The following KCP variants were observed in gnomAD, a reference collection of about 807,000 sequenced individuals.
The protein encoded by KCP is kielin cysteine rich BMP regulator.
KCP carries 194 observed loss-of-function variants against 212.7 expected under a neutral mutation model. The observed-to-expected ratio is 0.91, with a 90% confidence interval of 0.81 to 1.03. The LOEUF (loss-of-function observed/expected upper bound fraction) is 1.03. KCP is among the 50% of genes least tolerant of loss of function. KCP has a pLI of 0.00. For synonymous variants in KCP, 833 were observed against 865.3 expected, an observed-to-expected ratio of 0.96 and a Z score of 0.65; for missense variants, 2,080 against 2,162.5, an observed-to-expected ratio of 0.96 and a Z score of 0.76.
chr7:128,902,341 C>A (rs1022132163), intron 8 of KCP, among the ~76,000 whole-genome samples: 1 of 152,240 alleles, frequency 6.6e-6, no homozygotes, highest in African/African-American at 2.4e-5. Context: ...CATAGGAAGT[C>A]TTTGAAATCT....
intron 4 of KCP, among the ~76,000 whole-genome samples, chr7:128,906,890 C>T (rs967931894): frequency 1.3e-5 from 2 of 152,108 alleles, no homozygotes; most frequent in Non-Finnish European, 2.9e-5. Context: ...CACTGTTGGC[C>T]AGGTCTGAAT....
chr7:128,886,771 G>A, intron 24 of KCP, 34 bp from the exon 25 acceptor site: 1 of 1,536,730 alleles, frequency 6.5e-7, no homozygotes, highest in Non-Finnish European at 8.8e-7. Flanking sequence ...TGGGGGGCCT[G>A]TGCCACCCTG....
In KCP at chr7:128,891,838, G is replaced by T; in HGVS notation, c.1622-19C>A. 7.0e-7 allele frequency: 1 copy of T among 1,434,534 alleles called. No individual in the cohort carries two copies. 88.9% of individuals were successfully genotyped at this position (1,434,534 alleles called of 1,614,324 possible). A position where few individuals can be genotyped will look rare whatever the true frequency, so the allele number is the denominator to read the frequency against. On this transcript the variant is annotated intron_variant, in intron 16 of 39. Coordinates refer to ENST00000610776, the MANE Select transcript of KCP (RefSeq NM_001366122.1). ...ATGCAGTCTGGGCAGTGGATGGTGG[G>T]GGCAGGTATGAGGGCAAAGCCTGAC...
chr7:128,898,172 C>T (rs1794639824), intron 8 of KCP, among the ~76,000 whole-genome samples: 1 of 152,126 alleles, frequency 6.6e-6, no homozygotes, highest in African/African-American at 2.4e-5. Context: ...TCTCCTGCCT[C>T]AGCTTCCTGA....
chr7:128,886,810 AGGAAGGGAAGG>A (rs1329230772), intron 24 of KCP, 55 bp downstream of exon 24: 1 of 1,366,852 alleles, frequency 7.3e-7, no homozygotes, highest in Non-Finnish European at 1.0e-6. Flanking sequence ...TAGGCCTGGC[AGGAAGGGAAGG>A]GGGAGGGAGA....
chr7:128,894,239 C>T lies in KCP; in HGVS notation c.886G>A (p.Ala296Thr). ...CAGCAGGTGCCTGGGAGGGGCCGGG[C>T]TGGGTATGGACACAGGCTGGCACAT... Reference protein sequence around the residue: ...RECASLCPYPARPLPGTCCPV... With the variant: ...RECASLCPYPTRPLPGTCCPV... The change falls in exon 9 of 40, where the codon GCC becomes ACC. Residue 296 changes from alanine to threonine, a missense_variant. Coordinates refer to ENST00000610776, the MANE Select transcript of KCP (RefSeq NM_001366122.1). 1 of 1,541,888 alleles carries T rather than the reference C, an allele frequency of 6.5e-7. No individual in the cohort carries two copies. Among genetic ancestry groups the T allele is most frequent in the Admixed American group, 2.0e-5 (1 of 50,576 alleles).
rs956530996 is a variant in KCP at position 128,891,708 on chromosome 7, G to A, written c.1733C>T (p.Pro578Leu). Residue 578 changes from proline to leucine, a missense_variant, in exon 17 of 40, where the codon CCC (proline) becomes CTC (leucine). Pro to Leu is a moderately conservative substitution (Grantham distance 98). Transcript: ENST00000610776. ...QEGHAHCQPR[P>L]CPRAPCAHPL... ...GTGGGCACAGGGGGCCCTGGGGCAG[G>A]GGCGAGGCTGGCAGTGGGCATGGCC... The A allele has an allele frequency of 1.4e-6, 2 of 1,449,868 alleles. No homozygotes were observed. Among genetic ancestry groups the A allele is most frequent in the African/African-American group, 1.4e-5 (1 of 69,660 alleles). 89.8% of individuals were successfully genotyped at this position (1,449,868 alleles called of 1,614,324 possible).
At chr7:128,887,406 GAC>G (rs1563028684) in intron 22 of KCP, 106 bp from the exon 23 acceptor site, 1 of 817,964 alleles carries the variant, frequency 1.2e-6, no homozygotes, top group Admixed American at 2.1e-5. Context: ...CACAGCCACA[GAC>G]ACACACATAG....
chr7:128,907,244 G>A lies in KCP; in HGVS notation c.409+20C>T. ...GCAGGTCTTTAGGTGGCCCCAGTGG[G>A]CGGATAGGGTGGCACTTACCCCTGC... is the stretch of plus-strand genomic sequence containing the variant. On this transcript the variant is annotated intron_variant, in intron 3 of 39. Transcript: ENST00000610776. 1 of 1,536,578 alleles carries A rather than the reference G, an allele frequency of 6.5e-7. No individual in the cohort carries two copies. The highest frequency in any genetic ancestry group is 8.8e-7 in the Non-Finnish European group (1 of 1,135,214).
At chr7:128,900,214 G>A (rs1023283224) in intron 8 of KCP, among the ~76,000 whole-genome samples, 1 of 152,090 alleles carries the variant, frequency 6.6e-6, no homozygotes, top group Non-Finnish European at 1.5e-5. Flanking sequence ...ATATAATAAA[G>A]CAAGTCAGTG....
chr7:128,880,231 C>T (rs933417487), intron 34 of KCP, 146 bp from the exon 35 acceptor site: 1 of 1,280,054 alleles, frequency 7.8e-7, no homozygotes, highest in Non-Finnish European at 1.1e-6. Context: ...GAGGTCAGGG[C>T]ACCACATCGT....
At chr7:128,902,975 A>AAGGTGGGCAGG in intron 7 of KCP, 116 bp from the exon 8 acceptor site, 1 of 763,618 alleles carries the variant, frequency 1.3e-6, no homozygotes. Flanking sequence ...CCGAGCCAAG[A>AAGGTGGGCAGG]CTAGATGGGG....
Position 128,889,055 on chromosome 7 carries a change from CAGAG to C in KCP, c.2336-20_2336-17del, listed in dbSNP as rs771858410. 68 of 1,478,576 alleles carry C rather than the reference CAGAG, an allele frequency of 4.6e-5. No homozygotes were observed. Among genetic ancestry groups the C allele is most frequent in the East Asian group, 1.5e-4 (6 of 39,806 alleles). 91.6% of individuals were successfully genotyped at this position (1,478,576 alleles called of 1,614,324 possible). On this transcript the variant is annotated splice_polypyrimidine_tract_variant and intron_variant, in intron 21 of 39. Transcript: ENST00000610776. ...TACTCACAGCCTTTCAGAGAAGAGA[CAGAG>C]AGGCCGAGGGGAGGGACAGAAAGGG...
Position 128,892,881 on chromosome 7 carries a change from T to A in KCP, c.1408A>T (p.Thr470Ser), listed in dbSNP as rs777177189. Residue 470 changes from threonine (T) to serine (S), a missense_variant, in exon 14 of 40, where the codon ACC becomes TCC. Coordinates refer to ENST00000610776, the MANE Select transcript of KCP (RefSeq NM_001366122.1). The part of the protein sequence containing the change: ...LCPPAPCQHP[T>S]QPPGACCPSC... ...CCCAGGCACTCACCAGGGGGCTGGG[T>A]GGGGTGCTGGCAGGGGGCTGGGGGG... is the stretch of plus-strand genomic sequence containing the variant. The A allele has an allele frequency of 3.2e-6, 5 of 1,549,680 alleles. No homozygotes were observed. Among genetic ancestry groups the A allele is most frequent in the Non-Finnish European group, 4.4e-6 (5 of 1,146,124 alleles).
At position 128,894,010 on chromosome 7, in the gene KCP, C is replaced by T; in HGVS notation, c.971G>A (p.Gly324Asp). Residue 324 changes from glycine to aspartate, a missense_variant, in exon 10 of 40, where the codon GGC becomes GAC. Coordinates refer to ENST00000610776, the MANE Select transcript of KCP (RefSeq NM_001366122.1). ...GREHRSGEPV[G>D]SGDPCSHCRC... Reference sequence around the variant, plus strand: ...GCAGTGCGAGCAGGGGTCCCCTGAGCCCACAGGCTCCCCGCTGCGGTGCTC... The same window carrying T: ...GCAGTGCGAGCAGGGGTCCCCTGAGTCCACAGGCTCCCCGCTGCGGTGCTC... 6.5e-7 allele frequency: 1 copy of T among 1,549,920 alleles called. No homozygotes were observed. Among genetic ancestry groups the T allele is most frequent in the East Asian group, 2.5e-5 (1 of 40,656 alleles).
intron 5 of KCP, chr7:128,904,376 C>A (rs1268572731): frequency 6.4e-7 from 1 of 1,550,936 alleles, no homozygotes; most frequent in Non-Finnish European, 8.7e-7. Flanking sequence ...CTGCACGGCT[C>A]CTGTCTGCAG....
At chr7:128,883,870 C>T (rs1319539396) in intron 29 of KCP, 132 bp downstream of exon 29, 3 of 1,168,626 alleles carry the variant, frequency 2.6e-6, no homozygotes, top group South Asian at 1.8e-5. Context: ...CAGCCCTCGC[C>T]GGCCAGGCAT....
In KCP at chr7:128,882,013, G is replaced by C. The variant is rs1429683582; in HGVS notation, c.3248C>G (p.Ala1083Gly). ...CAGGCCCTCTGAACAGTTACTCAAGGCCTCTGTGAAGACAAGAATCCAGAG... is the reference window on the plus strand; with the variant it reads ...CAGGCCCTCTGAACAGTTACTCAAGCCCTCTGTGAAGACAAGAATCCAGAG... ...PQHCCPTCAE[A>G]LSNCSEGLLG... is the part of the protein sequence containing the mutation. The change falls in exon 30 of 40, where the codon GCC becomes GGC. Residue 1083 changes from alanine (A) to glycine (G), a missense_variant. Ala to Gly is a moderately conservative substitution (Grantham distance 60, BLOSUM62 0). Coordinates refer to ENST00000610776, the MANE Select transcript of KCP (RefSeq NM_001366122.1). 11 of 1,550,752 alleles carry C rather than the reference G, an allele frequency of 7.1e-6. No homozygotes were observed. The highest frequency in any genetic ancestry group is 2.0e-5 in the Admixed American group (1 of 50,954).
Position 128,878,586 on chromosome 7 carries a change from G to T in KCP, c.4283C>A (p.Ser1428Ter), listed in dbSNP as rs778705209. 2 of 1,551,210 alleles carry T rather than the reference G, an allele frequency of 1.3e-6. No homozygotes were observed. Among genetic ancestry groups the T allele is most frequent in the Non-Finnish European group, 8.7e-7 (1 of 1,146,932 alleles). ...LQGPEGLLLP[S>*]EAAFGNSWQV... The stretch of plus-strand genomic sequence containing the variant: ...CCAGCTATTCCCAAACGCAGCCTCC[G>T]AGGGCAGGAGCAGCCCCTCAGGGCC... The change falls in exon 38 of 40, where the codon TCG (serine) becomes TAG (stop). Residue 1428 changes from serine to a stop codon, truncating the protein, a stop_gained. Coordinates refer to ENST00000610776, the MANE Select transcript of KCP (RefSeq NM_001366122.1). LOFTEE classifies it high-confidence loss of function.
Sources: allele counts gnomAD v4.1 joint callset (sites outside exome capture counted in the v4.1 genomes callset), GRCh38; gene constraint gnomAD v4.1.1; transcripts MANE v1.5; gene names NCBI Gene and HGNC (gene_info 2026-07-23, HGNC 2026-07-21).